TNPO3: variants seen among roughly 807,000 people sequenced by gnomAD.
The protein encoded by TNPO3 is transportin 3.
In TNPO3, 65 loss-of-function variants were observed where a neutral mutation model predicts 122.8. The observed-to-expected ratio is 0.53, with a 90% CI of 0.43 to 0.65. The LOEUF (loss-of-function observed/expected upper bound fraction) is 0.65, where lower values mean the gene tolerates loss of function less well. Ranked by LOEUF, TNPO3 falls within the 30% of genes least tolerant of loss-of-function variation. TNPO3 has a pLI of 0.00. For synonymous variants in TNPO3, 372 were observed against 411.2 expected (o/e 0.90, Z 1.15); for missense variants, 850 against 1,136.7 (o/e 0.75, Z 3.63).
chr7:128,973,205 A>G (rs1204595900), intron 18 of TNPO3, among the ~76,000 whole-genome samples: 4 of 152,190 alleles, frequency 2.6e-5, no homozygotes, highest in African/African-American at 9.6e-5. Flanking sequence ...CAGGATGTCA[A>G]CAGGAATCCC....
At chr7:129,037,273 T>C (rs1806796871) in intron 1 of TNPO3, among the ~76,000 whole-genome samples, 1 of 152,066 alleles carries the variant, frequency 6.6e-6, no homozygotes, top group Admixed American at 6.6e-5. Flanking sequence ...GCAAATAAAC[T>C]ACAAAATAAC....
chr7:128,997,276 G>T, intron 8 of TNPO3, 113 bp downstream of exon 8: 1 of 1,173,652 alleles, frequency 8.5e-7, no homozygotes, highest in Non-Finnish European at 1.2e-6. Flanking sequence ...TGGACTACAG[G>T]CATGAGCCAG....
intron 8 of TNPO3, among the ~76,000 whole-genome samples, chr7:128,995,292 T>C (rs552168696): frequency 5.3e-5 from 8 of 152,360 alleles, no homozygotes; most frequent in Admixed American, 2.0e-4. Flanking sequence ...CAAACACTTC[T>C]GTATCTTTCC....
chr7:128,989,857 G>A (rs912534288), intron 11 of TNPO3, 104 bp downstream of exon 11: 16 of 1,301,714 alleles, frequency 1.2e-5, no homozygotes, highest in East Asian at 4.8e-5. Context: ...TAAACACTCC[G>A]TGTTAAAAAA....
At chr7:129,043,384 G>A (rs1807640036) in intron 1 of TNPO3, among the ~76,000 whole-genome samples, 1 of 152,126 alleles carries the variant, frequency 6.6e-6, no homozygotes, top group Non-Finnish European at 1.5e-5. Flanking sequence ...CAGACTGCGT[G>A]ACAGAGTGAA....
intron 1 of TNPO3, among the ~76,000 whole-genome samples, chr7:129,047,133 A>G (rs1350060139): frequency 1.3e-5 from 2 of 152,248 alleles, no homozygotes; most frequent in Non-Finnish European, 2.9e-5. Context: ...CTTTCCATCA[A>G]AAAGCTGCAT....
intron 1 of TNPO3, among the ~76,000 whole-genome samples, chr7:129,050,418 G>A (rs192748436): frequency 1.0e-3 from 152 of 148,176 alleles, no homozygotes; most frequent in Non-Finnish European, 1.6e-3. Flanking sequence ...GGGGGGAATC[G>A]GCTAGTAATG....
chr7:129,055,117 G>A (rs1809337305), upstream of TNPO3: 2 of 241,348 alleles, frequency 8.3e-6, no homozygotes, highest in Non-Finnish European at 1.7e-5. Flanking sequence ...CGTTTACCCG[G>A]ACCGGAAGCG....
At chr7:129,014,919 A>G (rs1032453421) in intron 4 of TNPO3, 60 bp downstream of exon 4, 2 of 1,506,502 alleles carry the variant, frequency 1.3e-6, no homozygotes, top group Non-Finnish European at 1.8e-6. Context: ...AATTGATTAC[A>G]AAATAACCGC....
At chr7:129,055,681 T>C (rs17167028), upstream of TNPO3, 1,098 of 200,090 alleles carry the variant, frequency 5.5e-3, 13 homozygotes, top group African/African-American at 0.025. Flanking sequence ...CCAGAGCATT[T>C]TGCATACATC....
intron 6 of TNPO3, 67 bp downstream of exon 6, chr7:129,000,992 A>G: frequency 3.9e-6 from 6 of 1,528,836 alleles, no homozygotes; most frequent in Non-Finnish European, 5.4e-6. Context: ...CGAATAATAA[A>G]AAGTGACTTA....
In TNPO3 at chr7:128,972,480, A is replaced by G. The variant is rs190522492; in HGVS notation, c.2376T>C (p.Asn792=). Residue 792 remains asparagine (N), a synonymous_variant, in exon 19 of 23, where the codon AAT becomes AAC. Transcript: ENST00000265388. ...CTCGTAGAAACCTCATGACACTACA[A>G]TTGGCATCCCGGTGGTCCAGGGTAG... ...ASTTLDHRDA[N]CSVMRFLRDL... 4 of 1,614,216 alleles carry G rather than the reference A, an allele frequency of 2.5e-6. No individual in the cohort carries two copies. The highest frequency in any genetic ancestry group is 1.6e-4 in the Middle Eastern group (1 of 6,062).
intron 1 of TNPO3, among the ~76,000 whole-genome samples, chr7:129,032,234 C>G (rs1806037189): frequency 6.6e-6 from 1 of 152,010 alleles, no homozygotes. Context: ...ATGCAAAAAC[C>G]AACAGCTAAC....
intron 1 of TNPO3, among the ~76,000 whole-genome samples, chr7:129,026,394 ATTTTTTTTTT>A (rs969403916): frequency 4.2e-5 from 4 of 94,714 alleles, no homozygotes; most frequent in African/African-American, 1.3e-4. Context: ...TGACGTTTGA[ATTTTTTTTTT>A]TTTTTTTTTT....
intron 21 of TNPO3, among the ~76,000 whole-genome samples, chr7:128,964,242 T>TCCCCATCAAA (rs1453574624): frequency 6.7e-6 from 1 of 149,918 alleles, no homozygotes; most frequent in Non-Finnish European, 1.5e-5. Context: ...TTCAATACAA[T>TCCCCATCAAA]CCCCATCAAA....
chr7:128,979,836 T>A (rs1799451693), intron 15 of TNPO3, 135 bp downstream of exon 15: 1 of 790,596 alleles, frequency 1.3e-6, no homozygotes, highest in Admixed American at 2.1e-5. Context: ...CTGTCCCTCA[T>A]TTCATTGAAA....
At position 129,050,054 on chromosome 7, in the gene TNPO3, A is replaced by G. The variant is rs566736385; in HGVS notation, c.120+4597T>C. On this transcript the variant is annotated intron_variant, in intron 1 of 22. Transcript: ENST00000265388. ...ACCTGGGCAATATAGCGAGACCCCA[A>G]CTTTTCTTTTCTTTTTTTTCTTTTT... Among the ~76,000 whole-genome samples, 22 of 152,086 alleles carry G rather than the reference A, an allele frequency of 1.4e-4. No homozygotes were observed. The South Asian group carries it at 3.7e-3, about 26-fold the overall frequency.
At chr7:128,955,779 G>GAAAACAAAAC (rs985478765) in intron 22 of TNPO3, among the ~76,000 whole-genome samples, 1 of 152,166 alleles carries the variant, frequency 6.6e-6, no homozygotes, top group Non-Finnish European at 1.5e-5. Context: ...AATAACAGTT[G>GAAAACAAAAC]AAAACAAAAC....
chr7:128,998,800 T>G (rs1801615597), intron 7 of TNPO3, among the ~76,000 whole-genome samples: 1 of 152,156 alleles, frequency 6.6e-6, no homozygotes, highest in South Asian at 2.1e-4. Flanking sequence ...TTAAGAGGTA[T>G]GAACCTCATT....
Sources: gnomAD v4.1 joint callset for allele counts (sites outside exome capture counted in the v4.1 genomes callset) on GRCh38, gnomAD v4.1.1 for gene constraint, MANE v1.5 for transcripts, NCBI Gene and HGNC (gene_info 2026-07-23, HGNC 2026-07-21) for gene names.